The following RREB1 variants were observed in gnomAD, a reference collection of about 807,000 sequenced individuals.
The protein encoded by RREB1 is ras-responsive element-binding protein 1.
A neutral mutation model predicts 117.8 loss-of-function variants in RREB1; 27 were observed. The observed-to-expected ratio is 0.23, with a 90% confidence interval of 0.17 to 0.32. The LOEUF (loss-of-function observed/expected upper bound fraction) is 0.32. Among genes scored for constraint, RREB1 ranks in the 10% least tolerant of loss-of-function variants. The probability of loss-of-function intolerance (pLI) is 1.00; values close to 1 mark genes in which losing one functional copy is unlikely to be tolerated. For missense variants in RREB1, 2,577 were observed against 2,378.2 expected, an observed-to-expected ratio of 1.08 and a Z score of -1.74; for synonymous variants, 1,298 against 1,026.7, an observed-to-expected ratio of 1.26 and a Z score of -5.05.
intron 6 of RREB1, among the ~76,000 whole-genome samples, chr6:7,189,581 T>G (rs146290128): frequency 9.2e-5 from 14 of 152,254 alleles, no homozygotes; most frequent in Admixed American, 3.9e-4. Context: ...GAGTTGGTTG[T>G]TTGTTTGGGT....
In RREB1 at chr6:7,249,093, G is replaced by GAGAGAGAC; in HGVS notation, c.*132_*133insCAGAGAGA. ...AGAGAGAGAGAGAGAGAGAGAGAGA[G>GAGAGAGAC]AGAGAGAGAGACAAGCAGGAGCGTG... On this transcript the variant is annotated 3_prime_UTR_variant, in exon 13 of 13. Coordinates refer to ENST00000379938, the MANE Select transcript of RREB1 (RefSeq NM_001003699.4). 2.6e-6 allele frequency: 2 copies of GAGAGAGAC among 758,712 alleles called. No individual in the cohort carries two copies. The highest frequency in any genetic ancestry group is 2.9e-5 in the East Asian group (1 of 34,904). The allele number at this position is 758,712 out of a possible 1,614,324, so 47.0% of individuals were successfully genotyped here. A position where few individuals can be genotyped will look rare whatever the true frequency, so the allele number is the denominator to read the frequency against.
At chr6:7,129,434 C>T (rs1288897470) in intron 1 of RREB1, among the ~76,000 whole-genome samples, 1 of 152,208 alleles carries the variant, frequency 6.6e-6, no homozygotes, top group Admixed American at 6.5e-5. Flanking sequence ...TGGAGACACC[C>T]TCAACAGTGG....
At chr6:7,156,489 T>C (rs530514547) in intron 1 of RREB1, among the ~76,000 whole-genome samples, 1 of 152,322 alleles carries the variant, frequency 6.6e-6, no homozygotes, top group South Asian at 2.1e-4. Flanking sequence ...CACCAGCCAG[T>C]CCCTTGTGGC....
chr6:7,118,359 G>C (rs550535078), intron 1 of RREB1, among the ~76,000 whole-genome samples: 26 of 152,232 alleles, frequency 1.7e-4, no homozygotes, highest in African/African-American at 6.3e-4. Flanking sequence ...AACCTCATGT[G>C]ATCTGCCCGC....
rs759491603 is a variant in RREB1 at position 7,246,587 on chromosome 6, G to T, written c.4137G>T (p.Arg1379=). ...ATAETASPVH[R]EEHGRGESHE... ...CGGAAACGGCCTCGCCGGTGCACCG[G>T]GAAGAGCACGGGCGTGGGGAGAGCC... The change falls in exon 12 of 13, where the codon CGG becomes CGT. Residue 1379 remains arginine (R), a synonymous_variant. Coordinates refer to ENST00000379938, the MANE Select transcript of RREB1 (RefSeq NM_001003699.4). 2.6e-6 allele frequency: 4 copies of T among 1,554,530 alleles called. 1 individual carries two copies. In the South Asian group the frequency reaches 4.7e-5, roughly 18 times the overall value.
rs1301531431 is a variant in RREB1, at chr6:7,250,450, T to TA, written c.*1483dup. The stretch of plus-strand genomic sequence containing the variant: ...ACCCATGAGCATCCTGTGCAGGCAA[T>TA]AGACTTCCCTCACTGTCTCCGCCTG... On this transcript the variant is annotated 3_prime_UTR_variant, in exon 13 of 13. Transcript: ENST00000379938. 2 of 152,024 alleles carry TA rather than the reference T, an allele frequency of 1.3e-5. No homozygotes were observed. The highest frequency in any genetic ancestry group is 2.9e-5 in the Non-Finnish European group (2 of 67,990). The allele number at this position is 152,024 out of a possible 1,614,324, so 9.4% of individuals were successfully genotyped here.
At chr6:7,196,044 C>T (rs1765649165) in intron 6 of RREB1, among the ~76,000 whole-genome samples, 1 of 152,164 alleles carries the variant, frequency 6.6e-6, no homozygotes, top group Admixed American at 6.5e-5. Flanking sequence ...ACAGCTTACC[C>T]TTCCCCCTCC....
rs1769294266 is a variant in RREB1, at chr6:7,249,095, G to GAGAC, written c.*130_*131insCAGA. 1.4e-6 allele frequency: 1 copy of GAGAC among 717,072 alleles called. No homozygotes were observed. 44.4% of individuals were successfully genotyped at this position (717,072 alleles called of 1,614,324 possible). ...AGAGAGAGAGAGAGAGAGAGAGAGA[G>GAGAC]AGAGAGAGACAAGCAGGAGCGTGGC... is the stretch of plus-strand genomic sequence containing the variant. On this transcript the variant is annotated 3_prime_UTR_variant, in exon 13 of 13. Coordinates refer to ENST00000379938, the MANE Select transcript of RREB1 (RefSeq NM_001003699.4).
At chr6:7,147,252 A>G (rs774882437) in intron 1 of RREB1, among the ~76,000 whole-genome samples, 1 of 152,248 alleles carries the variant, frequency 6.6e-6, no homozygotes, top group Admixed American at 6.5e-5. Flanking sequence ...TGAAGCAGAG[A>G]GGAATCAGTA....
chr6:7,215,788 G>T (rs546906092), intron 8 of RREB1: 2 of 152,228 alleles, frequency 1.3e-5, no homozygotes, highest in African/African-American at 4.8e-5. Flanking sequence ...TCCATGTACT[G>T]ACTCTTTGAA....
intron 5 of RREB1, among the ~76,000 whole-genome samples, chr6:7,188,013 G>T (rs181385162): frequency 1.1e-3 from 163 of 152,018 alleles, no homozygotes; most frequent in African/African-American, 3.9e-3. Flanking sequence ...TACCAAAAAT[G>T]CAAAAATTAG....
intron 6 of RREB1, among the ~76,000 whole-genome samples, chr6:7,195,745 G>A (rs1339679561): frequency 6.6e-6 from 1 of 152,200 alleles, no homozygotes; most frequent in Non-Finnish European, 1.5e-5. Flanking sequence ...ATGCTAAGCT[G>A]AGGGATCAGA....
Position 7,231,166 on chromosome 6 carries a change from C to T in RREB1, c.3067C>T (p.Leu1023=). The part of the protein sequence containing the change: ...QLAVPIYSSA[L]VSSPPLVGSS... ...GGCGGTCCCAATCTACTCCTCAGCCCTGGTCAGCAGCCCTCCACTCGTGGG... is the reference window on the plus strand; with the variant it reads ...GGCGGTCCCAATCTACTCCTCAGCCTTGGTCAGCAGCCCTCCACTCGTGGG... Residue 1023 remains leucine, a synonymous_variant, in exon 10 of 13, where the codon CTG becomes TTG. Coordinates refer to ENST00000379938, the MANE Select transcript of RREB1 (RefSeq NM_001003699.4). The T allele has an allele frequency of 6.2e-7, 1 of 1,611,924 alleles. No homozygotes were observed. The highest frequency in any genetic ancestry group is 1.1e-5 in the South Asian group (1 of 91,066).
intron 11 of RREB1, among the ~76,000 whole-genome samples, chr6:7,245,891 G>A (rs1768979655): frequency 6.6e-6 from 1 of 152,234 alleles, no homozygotes; most frequent in Non-Finnish European, 1.5e-5. Flanking sequence ...CGTCAGGCAA[G>A]AGTGTGCATA....
rs1581555797 is a variant in RREB1, at chr6:7,219,147, G to A, written c.708-7320G>A. 3 of 138,276 alleles carry A rather than the reference G, an allele frequency of 2.2e-5. No homozygotes were observed. The East Asian group carries it at 6.5e-4, about 30-fold the overall frequency. 8.6% of individuals were successfully genotyped at this position (138,276 alleles called of 1,614,324 possible). ...AAGCCAGGCACGGTGTCTCAGGCCTGTAATCCCAGCTACTGGGGAGGCTGA... is the reference window on the plus strand; with the variant it reads ...AAGCCAGGCACGGTGTCTCAGGCCTATAATCCCAGCTACTGGGGAGGCTGA... On this transcript the variant is annotated intron_variant, in intron 8 of 12. Coordinates refer to ENST00000379938, the MANE Select transcript of RREB1 (RefSeq NM_001003699.4).
Position 7,189,024 on chromosome 6 carries a change from A to G in RREB1, c.262-135A>G, listed in dbSNP as rs749802583. 12 of 792,778 alleles carry G rather than the reference A, an allele frequency of 1.5e-5. No individual in the cohort carries two copies. In the Admixed American group the frequency reaches 3.4e-4, roughly 22 times the overall value. The allele number at this position is 792,778 out of a possible 1,614,324, so 49.1% of individuals were successfully genotyped here. ...ATACATTTTACCCCTTCAGAAAGAT[A>G]TTTAAAATGAAAGAGAAACACATAG... On this transcript the variant is annotated intron_variant, in intron 5 of 12. Transcript: ENST00000379938.
At chr6:7,143,010 A>T (rs1161560786) in intron 1 of RREB1, among the ~76,000 whole-genome samples, 1 of 152,228 alleles carries the variant, frequency 6.6e-6, no homozygotes. Flanking sequence ...ACTGCGTTAG[A>T]AACAGGTCAC....
chr6:7,222,354 A>G (rs1334740452), intron 8 of RREB1, among the ~76,000 whole-genome samples: 1 of 152,028 alleles, frequency 6.6e-6, no homozygotes, highest in African/African-American at 2.4e-5. Flanking sequence ...CATGTTTGGG[A>G]AATTTTACAT....
Position 7,231,163 on chromosome 6 carries a change from G to C in RREB1, c.3064G>C (p.Ala1022Pro), listed in dbSNP as rs1203632708. 6.2e-7 allele frequency: 1 copy of C among 1,611,686 alleles called. No homozygotes were observed. Among genetic ancestry groups the C allele is most frequent in the African/African-American group, 1.3e-5 (1 of 74,904 alleles). ...GCTGGCGGTCCCAATCTACTCCTCA[G>C]CCCTGGTCAGCAGCCCTCCACTCGT... is the stretch of plus-strand genomic sequence containing the variant. ...VQLAVPIYSS[A>P]LVSSPPLVGS... Residue 1022 changes from alanine to proline, a missense_variant, in exon 10 of 13, where the codon GCC becomes CCC. Ala to Pro is a conservative substitution (Grantham distance 27). Transcript: ENST00000379938.
Sources: allele counts gnomAD v4.1 joint callset (sites outside exome capture counted in the v4.1 genomes callset), GRCh38; gene constraint gnomAD v4.1.1; transcripts MANE v1.5; gene names NCBI Gene and HGNC (gene_info 2026-07-23, HGNC 2026-07-21).